The following EXOC6B variants were observed in gnomAD, a reference collection of about 807,000 sequenced individuals.
EXOC6B encodes the protein SEC15 homolog B.
In EXOC6B, 54 loss-of-function variants were observed where a neutral mutation model predicts 113.5. The observed-to-expected ratio is 0.48, with a 90% confidence interval of 0.38 to 0.60. The LOEUF (loss-of-function observed/expected upper bound fraction) is 0.60. EXOC6B is among the 20% of genes least tolerant of loss of function. The probability of loss-of-function intolerance (pLI) is 0.00; values close to 1 mark genes in which losing one functional copy is unlikely to be tolerated. For missense variants in EXOC6B, 797 were observed against 977.5 expected (o/e 0.82, Z 2.46); for synonymous variants, 357 against 339.0 (o/e 1.05, Z -0.58).
intron 18 of EXOC6B, among the ~76,000 whole-genome samples, chr2:72,398,276 C>T (rs1023216941): frequency 7.2e-5 from 11 of 152,156 alleles, no homozygotes; most frequent in African/African-American, 2.7e-4. Context: ...ATCAGCTCTT[C>T]GTGGGTTTCA....
At chr2:72,577,103 T>C (rs1009661892) in intron 6 of EXOC6B, among the ~76,000 whole-genome samples, 2 of 152,068 alleles carry the variant, frequency 1.3e-5, no homozygotes, top group African/African-American at 4.8e-5. Flanking sequence ...AGAATCTACA[T>C]TCCAGAGATT....
At chr2:72,692,019 C>T (rs1173649387) in intron 6 of EXOC6B, among the ~76,000 whole-genome samples, 1 of 151,996 alleles carries the variant, frequency 6.6e-6, no homozygotes, top group Non-Finnish European at 1.5e-5. Flanking sequence ...TAGCAAATAC[C>T]ACCATCTGAC....
chr2:72,653,620 A>G (rs1358225301), intron 6 of EXOC6B, among the ~76,000 whole-genome samples: 1 of 149,194 alleles, frequency 6.7e-6, no homozygotes, highest in Non-Finnish European at 1.5e-5. Flanking sequence ...AAAGAAAGAA[A>G]GAAAGAAAAT....
At chr2:72,350,620 T>G (rs1689597764) in intron 19 of EXOC6B, among the ~76,000 whole-genome samples, 1 of 152,222 alleles carries the variant, frequency 6.6e-6, no homozygotes, top group Admixed American at 6.5e-5. Context: ...GAAGAGAATC[T>G]CTGCCAGTGA....
At chr2:72,294,772 G>A (rs1686025193) in intron 20 of EXOC6B, among the ~76,000 whole-genome samples, 1 of 152,030 alleles carries the variant, frequency 6.6e-6, no homozygotes, top group Non-Finnish European at 1.5e-5. Context: ...TTTTAAATAT[G>A]AGCAATTAGT....
At chr2:72,396,948 G>A (rs538348822) in intron 18 of EXOC6B, among the ~76,000 whole-genome samples, 3 of 150,276 alleles carry the variant, frequency 2.0e-5, no homozygotes, top group Non-Finnish European at 3.0e-5. Context: ...AGACATTGGC[G>A]ACTGGGAGAA....
intron 6 of EXOC6B, among the ~76,000 whole-genome samples, chr2:72,691,310 A>G (rs1433069374): frequency 6.6e-6 from 1 of 152,098 alleles, no homozygotes; most frequent in African/African-American, 2.4e-5. Context: ...TGGATTTTAG[A>G]TTTCTAGACT....
chr2:72,184,297 A>C (rs1208122843), intron 20 of EXOC6B, 110 bp from the exon 21 acceptor site: 17 of 576,954 alleles, frequency 2.9e-5, no homozygotes, highest in Non-Finnish European at 5.3e-5. Flanking sequence ...GGATATATAA[A>C]AATTAAAATA....
At chr2:72,551,357 C>T (rs1260123696) in intron 8 of EXOC6B, among the ~76,000 whole-genome samples, 1 of 151,412 alleles carries the variant, frequency 6.6e-6, no homozygotes, top group Non-Finnish European at 1.5e-5. Context: ...GCCACCACAC[C>T]CAGCTAATTT....
intron 20 of EXOC6B, among the ~76,000 whole-genome samples, chr2:72,203,827 CA>C: frequency 6.6e-6 from 1 of 152,288 alleles, no homozygotes; most frequent in South Asian, 2.1e-4. Context: ...GAGATTATGG[CA>C]AATAAGAGTT....
intron 1 of EXOC6B, among the ~76,000 whole-genome samples, chr2:72,746,387 A>G (rs1681695818): frequency 6.6e-6 from 1 of 152,086 alleles, no homozygotes; most frequent in Admixed American, 6.6e-5. Context: ...TGCCATGTGG[A>G]GTCTGGTTTC....
intron 2 of EXOC6B, among the ~76,000 whole-genome samples, chr2:72,735,345 A>G (rs541211714): frequency 3.0e-4 from 46 of 152,292 alleles, no homozygotes; most frequent in African/African-American, 1.1e-3. Flanking sequence ...AATTTTCAAG[A>G]AACAATGTTT....
At chr2:72,351,174 C>T (rs1005294554) in intron 19 of EXOC6B, among the ~76,000 whole-genome samples, 4 of 152,180 alleles carry the variant, frequency 2.6e-5, no homozygotes, top group Non-Finnish European at 4.4e-5. Context: ...GTACATCATT[C>T]AGAATGAAAG....
intron 6 of EXOC6B, among the ~76,000 whole-genome samples, chr2:72,638,207 T>G (rs1270620699): frequency 6.6e-6 from 1 of 152,086 alleles, no homozygotes; most frequent in Non-Finnish European, 1.5e-5. Context: ...AAAGGATCAC[T>G]AGAGGCTACT....
At chr2:72,646,682 A>G (rs1039079083) in intron 6 of EXOC6B, among the ~76,000 whole-genome samples, 1 of 152,228 alleles carries the variant, frequency 6.6e-6, no homozygotes, top group Admixed American at 6.5e-5. Context: ...TCACATAAAC[A>G]GAACCAATGA....
At chr2:72,776,100 AC>A (rs1294018799) in intron 1 of EXOC6B, among the ~76,000 whole-genome samples, 1 of 152,104 alleles carries the variant, frequency 6.6e-6, no homozygotes, top group Non-Finnish European at 1.5e-5. Context: ...ATACACATAC[AC>A]ACACACATAT....
chr2:72,551,743 G>A (rs546442238), intron 8 of EXOC6B, among the ~76,000 whole-genome samples: 4 of 151,874 alleles, frequency 2.6e-5, no homozygotes, highest in Admixed American at 1.3e-4. Context: ...TGATCCGCCC[G>A]CCTCGGCCTC....
intron 6 of EXOC6B, among the ~76,000 whole-genome samples, chr2:72,709,053 A>AT (rs1245125405): frequency 4.6e-5 from 7 of 150,958 alleles, no homozygotes; most frequent in African/African-American, 7.3e-5. Flanking sequence ...TATAATTAAA[A>AT]TTTAAAAAAA....
intron 1 of EXOC6B, among the ~76,000 whole-genome samples, chr2:72,745,453 T>TA (rs1354823025): frequency 2.0e-5 from 3 of 151,610 alleles, no homozygotes; most frequent in Non-Finnish European, 4.4e-5. Flanking sequence ...ATTTTGAGAA[T>TA]TAAAAAAAAA....
Sources: gnomAD v4.1 joint callset for allele counts (sites outside exome capture counted in the v4.1 genomes callset) on GRCh38, gnomAD v4.1.1 for gene constraint, MANE v1.5 for transcripts, NCBI Gene and HGNC (gene_info 2026-07-23, HGNC 2026-07-21) for gene names.